SC5D: variants seen among roughly 807,000 people sequenced by gnomAD.
SC5D encodes the protein lathosterol oxidase.
In SC5D, 21 loss-of-function variants were observed where a neutral mutation model predicts 23.9. That is an observed-to-expected ratio of 0.88 (90% CI 0.62 to 1.26). The LOEUF (loss-of-function observed/expected upper bound fraction) is 1.26. Among genes scored for constraint, SC5D ranks in the 50% most tolerant of loss-of-function variants. The pLI is 0.00. For missense variants in SC5D, 309 were observed against 364.8 expected (o/e 0.85, Z 1.25); for synonymous variants, 113 against 125.9 (o/e 0.90, Z 0.68).
In SC5D at chr11:121,309,483, C is replaced by A. The variant is rs1175201726; in HGVS notation, c.*1971C>A. ...TTTGCCGTATTTGTGGTGTTCTCCT[C>A]TTGTTGATGTTGAAATGGTGAATGA... is the stretch of plus-strand genomic sequence containing the variant. On this transcript the variant is annotated 3_prime_UTR_variant, in exon 5 of 5. Transcript: ENST00000264027. Among the ~76,000 whole-genome samples the A allele has an allele frequency of 6.6e-6, 1 of 152,172 alleles. No individual in the cohort carries two copies. Among genetic ancestry groups the A allele is most frequent in the Non-Finnish European group, 1.5e-5 (1 of 68,036 alleles).
At chr11:121,297,627 A>G (rs192571764) in intron 1 of SC5D, among the ~76,000 whole-genome samples, 62 of 152,370 alleles carry the variant, frequency 4.1e-4, no homozygotes, top group African/African-American at 1.4e-3. Flanking sequence ...TGACTTAAAG[A>G]ATAGAAAAAC....
intron 1 of SC5D, among the ~76,000 whole-genome samples, chr11:121,301,924 A>G (rs1345198219): frequency 1.3e-5 from 2 of 152,134 alleles, no homozygotes; most frequent in African/African-American, 4.8e-5. Context: ...TCATCATTCC[A>G]TCTTACATTA....
At position 121,311,155 on chromosome 11, in the gene SC5D, T is replaced by C. The variant is rs528747885; in HGVS notation, c.*3643T>C. Among the ~76,000 whole-genome samples, 19 of 152,356 alleles carry C rather than the reference T, an allele frequency of 1.2e-4. No homozygotes were observed. In the South Asian group the frequency reaches 3.1e-3, roughly 25 times the overall value. ...TATTAAACCACTCATCCTTAACAAA[T>C]GCCCAAGCCATGGTTAAAGTTCAAT... On this transcript the variant is annotated 3_prime_UTR_variant, in exon 5 of 5. Coordinates refer to ENST00000264027, the MANE Select transcript of SC5D (RefSeq NM_006918.5).
chr11:121,296,195 GT>G (rs1292354527), intron 1 of SC5D, among the ~76,000 whole-genome samples: 1 of 152,136 alleles, frequency 6.6e-6, no homozygotes, highest in Non-Finnish European at 1.5e-5. Context: ...TAATGGAATG[GT>G]TTTTATGAAA....
chr11:121,298,795 G>A (rs1325831146), intron 1 of SC5D, among the ~76,000 whole-genome samples: 1 of 152,218 alleles, frequency 6.6e-6, no homozygotes, highest in Non-Finnish European at 1.5e-5. Flanking sequence ...GATGCAGTCA[G>A]GCTGAGTCCG....
intron 1 of SC5D, among the ~76,000 whole-genome samples, chr11:121,298,407 A>G: frequency 6.6e-6 from 1 of 152,226 alleles, no homozygotes; most frequent in East Asian, 1.9e-4. Flanking sequence ...TCAGTTGTAA[A>G]GATCCTGTTG....
At chr11:121,304,819 G>T in intron 3 of SC5D, 1 of 277,524 alleles carries the variant, frequency 3.6e-6, no homozygotes, top group Non-Finnish European at 7.0e-6. Context: ...ATTGCTGAAA[G>T]TTAAAAACAG....
chr11:121,294,006 A>C (rs765811043), intron 1 of SC5D, among the ~76,000 whole-genome samples: 25 of 152,188 alleles, frequency 1.6e-4, no homozygotes, highest in Non-Finnish European at 2.8e-4. Flanking sequence ...TATCTCATAG[A>C]GGTATAGGGA....
intron 1 of SC5D, among the ~76,000 whole-genome samples, chr11:121,299,082 A>G (rs1217886183): frequency 6.6e-6 from 1 of 152,256 alleles, no homozygotes; most frequent in East Asian, 1.9e-4. Context: ...GCGGGAAGAT[A>G]GTAATAACTA....
Position 121,307,974 on chromosome 11 carries a change from G to A in SC5D, c.*462G>A, listed in dbSNP as rs1349367822. ...TTTCAGGAATGGTTAATTCTTCAAC[G>A]TTGGTATGATAATGATAACTTGTTT... is the stretch of plus-strand genomic sequence containing the variant. On this transcript the variant is annotated 3_prime_UTR_variant, in exon 5 of 5. Coordinates refer to ENST00000264027, the MANE Select transcript of SC5D (RefSeq NM_006918.5). 1 of 157,418 alleles carries A rather than the reference G, an allele frequency of 6.4e-6. No homozygotes were observed. The highest frequency in any genetic ancestry group is 1.4e-5 in the Non-Finnish European group (1 of 71,026). 9.8% of individuals were successfully genotyped at this position (157,418 alleles called of 1,614,324 possible).
At position 121,301,301 on chromosome 11, in the gene SC5D, A is replaced by C. The variant is rs113118551; in HGVS notation, c.-10-2065A>C. ...GTAGAGAATATCAATAAAGTGATAA[A>C]AGTTTTTTTTTTTTTTTTTTAAAGA... On this transcript the variant is annotated intron_variant, in intron 1 of 4. Transcript: ENST00000264027. Among the ~76,000 whole-genome samples, 948 of 125,444 alleles carry C rather than the reference A, an allele frequency of 7.6e-3. 14 individuals carry two copies. The highest frequency in any genetic ancestry group is 0.027 in the African/African-American group (891 of 33,078). The allele number at this position is 125,444 out of a possible 152,430, so 82.3% of individuals were successfully genotyped here.
chr11:121,304,606 T>C, intron 3 of SC5D, 113 bp downstream of exon 3: 1 of 947,224 alleles, frequency 1.1e-6, no homozygotes, highest in South Asian at 1.4e-5. Flanking sequence ...TACAAATTAT[T>C]CAGTTGTTTT....
intron 3 of SC5D, chr11:121,305,238 T>C (rs1947955268): frequency 6.6e-6 from 1 of 150,570 alleles, no homozygotes; most frequent in Non-Finnish European, 1.5e-5. Context: ...AAGGCTGATA[T>C]GTGTCAGTGA....
intron 1 of SC5D, among the ~76,000 whole-genome samples, chr11:121,299,316 A>C (rs12275106): frequency 0.1 from 15,357 of 152,248 alleles, 1,011 homozygotes; most frequent in African/African-American, 0.17. Flanking sequence ...CCTTCTCTTT[A>C]AGATTCTCAA....
rs945766287 is a variant in SC5D, at chr11:121,310,853, T to G, written c.*3341T>G. Among the ~76,000 whole-genome samples the G allele has an allele frequency of 6.6e-6, 1 of 152,158 alleles. No individual in the cohort carries two copies. Among genetic ancestry groups the G allele is most frequent in the African/African-American group, 2.4e-5 (1 of 41,448 alleles). On this transcript the variant is annotated 3_prime_UTR_variant, in exon 5 of 5. Transcript: ENST00000264027. The stretch of plus-strand genomic sequence containing the variant: ...AGCAGACACCAAACCAACTGGTGCT[T>G]AACCGTGACTTCCCAGCCTCCAGAG...
intron 2 of SC5D, 115 bp from the exon 3 acceptor site, chr11:121,304,246 G>A: frequency 1.2e-6 from 1 of 859,452 alleles, no homozygotes; most frequent in Admixed American, 2.0e-5. Context: ...AAACAGTTTG[G>A]AGGTAAGCCC....
At position 121,307,059 on chromosome 11, in the gene SC5D, C is replaced by T. The variant is rs886047850; in HGVS notation, c.447C>T (p.Arg149=). The part of the protein sequence containing the change: ...RGLHHRLVYK[R]LHKPHHIWKI... The stretch of plus-strand genomic sequence containing the variant: ...AATTGTGTCCTTTTCTCCTGCAGCG[C>T]CTACATAAACCTCACCATATTTGGA... Residue 149 remains arginine, a splice_region_variant and synonymous_variant, in exon 5 of 5, where the codon CGC becomes CGT. Coordinates refer to ENST00000264027, the MANE Select transcript of SC5D (RefSeq NM_006918.5). 6.2e-7 allele frequency: 1 copy of T among 1,613,870 alleles called. No individual in the cohort carries two copies.
chr11:121,302,204 A>G (rs965644198), intron 1 of SC5D, among the ~76,000 whole-genome samples: 2 of 152,226 alleles, frequency 1.3e-5, no homozygotes, highest in African/African-American at 4.8e-5. Context: ...TCATGAATTG[A>G]TGTTTATTAA....
intron 3 of SC5D, chr11:121,306,147 TTTAA>T (rs1321617521): frequency 7.9e-5 from 38 of 480,198 alleles, no homozygotes; most frequent in African/African-American, 6.9e-4. Flanking sequence ...ATCTTTATAG[TTTAA>T]TTAAGAAGTA....
Sources: gnomAD v4.1 joint callset for allele counts (sites outside exome capture counted in the v4.1 genomes callset) on GRCh38, gnomAD v4.1.1 for gene constraint, MANE v1.5 for transcripts, NCBI Gene and HGNC (gene_info 2026-07-23, HGNC 2026-07-21) for gene names.